The following NR3C2 variants were observed in gnomAD, a reference collection of about 807,000 sequenced individuals.
The protein encoded by NR3C2 is mineralocorticoid receptor.
Under a neutral mutation model 86.4 loss-of-function variants are expected in NR3C2, and 15 were observed. The observed-to-expected ratio is 0.17, with a 90% CI of 0.12 to 0.27. NR3C2 has a LOEUF of 0.27. NR3C2 is among the 10% of genes least tolerant of loss of function. The pLI, the probability that NR3C2 is intolerant of heterozygous loss-of-function variation, is 1.00. For missense variants in NR3C2, 960 were observed against 1,195.6 expected (o/e 0.80, Z 2.91); for synonymous variants, 458 against 450.5 (o/e 1.02, Z -0.21).
chr4:148,276,899 CA>C (rs1224587085), intron 2 of NR3C2, among the ~76,000 whole-genome samples: 3 of 152,134 alleles, frequency 2.0e-5, no homozygotes, highest in Non-Finnish European at 4.4e-5. Context: ...TATAAAGTTT[CA>C]AGAATATTGA....
Position 148,079,958 on chromosome 4 carries a change from G to A in NR3C2, c.*1386C>T, listed in dbSNP as rs1335284808. The A allele has an allele frequency of 1.3e-5, 2 of 152,200 alleles. No homozygotes were observed. Among genetic ancestry groups the A allele is most frequent in the East Asian group, 3.9e-4 (2 of 5,192 alleles). The allele number at this position is 152,200 out of a possible 1,614,324, so 9.4% of individuals were successfully genotyped here. ...ATAGCTGATCTTTAACAGAGAGAGAGTGCATGGAATTTTTTTTTCCCACAG... is the reference window on the plus strand; with the variant it reads ...ATAGCTGATCTTTAACAGAGAGAGAATGCATGGAATTTTTTTTTCCCACAG... On this transcript the variant is annotated 3_prime_UTR_variant, in exon 9 of 9. Transcript: ENST00000358102.
At chr4:148,332,283 T>A (rs556028209) in intron 2 of NR3C2, among the ~76,000 whole-genome samples, 1 of 152,284 alleles carries the variant, frequency 6.6e-6, no homozygotes, top group African/African-American at 2.4e-5. Context: ...CTACATCACT[T>A]TTTTGCCTGA....
At chr4:148,300,151 G>A (rs565020819) in intron 2 of NR3C2, among the ~76,000 whole-genome samples, 1 of 152,306 alleles carries the variant, frequency 6.6e-6, no homozygotes, top group South Asian at 2.1e-4. Context: ...CTTGTTTTAC[G>A]TCCTTGGAAG....
In NR3C2 at chr4:148,361,675, C is replaced by T. The variant is rs550067807; in HGVS notation, c.1757+73429G>A. ...AAACTGGAGTTAATACCACCTGATC[C>T]GGGACTATCACAGAGTTTCACAGCC... On this transcript the variant is annotated intron_variant, in intron 2 of 8. Transcript: ENST00000358102. Among the ~76,000 whole-genome samples the T allele has an allele frequency of 1.4e-4, 21 of 152,296 alleles. No individual in the cohort carries two copies. The East Asian group carries it at 1.5e-3, about 11-fold the overall frequency.
chr4:148,399,117 C>T (rs531004051), intron 2 of NR3C2, among the ~76,000 whole-genome samples: 1 of 152,336 alleles, frequency 6.6e-6, no homozygotes, highest in East Asian at 1.9e-4. Context: ...AATTCTTCAG[C>T]CATCCATTTA....
intron 2 of NR3C2, among the ~76,000 whole-genome samples, chr4:148,419,107 CTT>C (rs1466438175): frequency 1.6e-5 from 2 of 126,948 alleles, no homozygotes; most frequent in African/African-American, 5.4e-5. Flanking sequence ...TTTTTTTTTT[CTT>C]TTTGTCTGGC....
Position 148,435,922 on chromosome 4 carries a change from A to T in NR3C2, c.939T>A (p.Pro313=). ...INNSRCSVSS[P]SNTNNRSTLS... ...GCGTGGATCTGTTATTAGTGTTCGA[A>T]GGGCTGGAAACAGAGCACCTTGAGT... Residue 313 remains proline, a synonymous_variant, in exon 2 of 9, where the codon CCT becomes CCA. Transcript: ENST00000358102. The T allele has an allele frequency of 6.2e-7, 1 of 1,614,216 alleles. No homozygotes were observed. Among genetic ancestry groups the T allele is most frequent in the South Asian group, 1.1e-5 (1 of 91,082 alleles).
intron 2 of NR3C2, among the ~76,000 whole-genome samples, chr4:148,352,010 A>G (rs1233128230): frequency 1.3e-5 from 2 of 152,190 alleles, no homozygotes. Flanking sequence ...GGAATTCTGG[A>G]ATATTATTCT....
intron 2 of NR3C2, among the ~76,000 whole-genome samples, chr4:148,316,567 T>C (rs1392678146): frequency 6.6e-6 from 1 of 152,108 alleles, no homozygotes; most frequent in Non-Finnish European, 1.5e-5. Flanking sequence ...GAAATAAGAA[T>C]AGGTATATCT....
At chr4:148,317,254 C>T (rs992433387) in intron 2 of NR3C2, among the ~76,000 whole-genome samples, 4 of 151,660 alleles carry the variant, frequency 2.6e-5, no homozygotes, top group African/African-American at 7.3e-5. Flanking sequence ...ACTTGTGAGG[C>T]TGTGGCAGGA....
chr4:148,411,236 G>C (rs556692541), intron 2 of NR3C2, among the ~76,000 whole-genome samples: 2 of 151,932 alleles, frequency 1.3e-5, no homozygotes, highest in Non-Finnish European at 1.5e-5. Context: ...AATCATCCTG[G>C]CTATAACCAC....
Position 148,436,426 on chromosome 4 carries a change from T to G in NR3C2, c.435A>C (p.Lys145Asn). The change falls in exon 2 of 9, where the codon AAA (lysine) becomes AAC (asparagine). Residue 145 changes from lysine (K) to asparagine (N), a missense_variant. By Grantham distance (94) the Lys-to-Asn change is moderately conservative (BLOSUM62 0). Transcript: ENST00000358102. ...GAGTGGAAGGACGATGGCCATTTCCTTTGTAAAATTTCACCAGCTGTTCAA... is the reference window on the plus strand; with the variant it reads ...GAGTGGAAGGACGATGGCCATTTCCGTTGTAAAATTTCACCAGCTGTTCAA... ...QNVEQLVKFY[K>N]GNGHRPSTLS... 1 of 1,614,194 alleles carries G rather than the reference T, an allele frequency of 6.2e-7. No homozygotes were observed. The highest frequency in any genetic ancestry group is 8.5e-7 in the Non-Finnish European group (1 of 1,180,040).
chr4:148,147,603 G>A (rs957850079), intron 6 of NR3C2, among the ~76,000 whole-genome samples: 3 of 152,212 alleles, frequency 2.0e-5, no homozygotes, highest in East Asian at 1.9e-4. Flanking sequence ...AGAGATACAC[G>A]TACTTAAGAG....
chr4:148,393,387 T>C (rs375884123), intron 2 of NR3C2, among the ~76,000 whole-genome samples: 1 of 152,170 alleles, frequency 6.6e-6, no homozygotes, highest in African/African-American at 2.4e-5. Flanking sequence ...CAAATAGAAC[T>C]CCAGAGGTCT....
rs72645613 is a variant in NR3C2 at position 148,430,166 on chromosome 4, CA to C, written c.1757+4937del. ...TAATATCTCCATAGTAAGAACTTTA[CA>C]TTCAAAAGTCTAAGTCCGTAGTATG... On this transcript the variant is annotated intron_variant, in intron 2 of 8. Coordinates refer to ENST00000358102, the MANE Select transcript of NR3C2 (RefSeq NM_000901.5). Among the ~76,000 whole-genome samples, 1,278 of 152,214 alleles carry C rather than the reference CA, an allele frequency of 8.4e-3. 14 individuals are homozygous for C. The highest frequency in any genetic ancestry group is 0.029 in the African/African-American group (1,209 of 41,558).
intron 2 of NR3C2, among the ~76,000 whole-genome samples, chr4:148,323,275 T>C (rs1422460779): frequency 7.0e-6 from 1 of 142,312 alleles, no homozygotes; most frequent in Admixed American, 7.1e-5. Flanking sequence ...ACCACTGCTC[T>C]CTTCAAAGCT....
intron 2 of NR3C2, among the ~76,000 whole-genome samples, chr4:148,323,786 C>T (rs1743788461): frequency 6.6e-6 from 1 of 152,102 alleles, no homozygotes; most frequent in Non-Finnish European, 1.5e-5. Context: ...GTCTGGCACT[C>T]CCTAGTGCGA....
intron 1 of NR3C2, among the ~76,000 whole-genome samples, chr4:148,441,767 T>C (rs1339128274): frequency 1.3e-5 from 2 of 152,196 alleles, no homozygotes; most frequent in Non-Finnish European, 2.9e-5. Context: ...CAACTGCCCT[T>C]ATGCGCTACA....
rs575387379 is a variant in NR3C2, at chr4:148,247,492, C to T, written c.1897+12486G>A. ...CTTTTGTGCAATTTGTATTGCTTTA[C>T]TGAAAAAGACAAAGTTAATTCCTAA... On this transcript the variant is annotated intron_variant, in intron 3 of 8. Transcript: ENST00000358102. Among the ~76,000 whole-genome samples the T allele has an allele frequency of 1.8e-3, 269 of 152,116 alleles. 1 individual carries two copies. The highest frequency in any genetic ancestry group is 6.1e-3 in the African/African-American group (253 of 41,484).
Sources: gnomAD v4.1 joint callset for allele counts (sites outside exome capture counted in the v4.1 genomes callset) on GRCh38, gnomAD v4.1.1 for gene constraint, MANE v1.5 for transcripts, NCBI Gene and HGNC (gene_info 2026-07-23, HGNC 2026-07-21) for gene names.